DOCK3: variants seen among roughly 807,000 people sequenced by gnomAD.
DOCK3 encodes dedicator of cytokinesis 3.
Under a neutral mutation model 265.6 loss-of-function variants are expected in DOCK3, and 60 were observed. The ratio of observed to expected loss-of-function variants is 0.23; its 90% CI spans 0.18 to 0.28. The LOEUF is 0.28. Among genes scored for constraint, DOCK3 ranks in the 10% least tolerant of loss-of-function variants. DOCK3 has a pLI of 1.00. For synonymous variants in DOCK3, 881 were observed against 938.0 expected (o/e 0.94, Z 1.11); for missense variants, 1,981 against 2,594.3 (o/e 0.76, Z 5.14).
chr3:50,925,735 C>G (rs1350436577), intron 4 of DOCK3, among the ~76,000 whole-genome samples: 1 of 151,330 alleles, frequency 6.6e-6, no homozygotes, highest in Non-Finnish European at 1.5e-5. Flanking sequence ...AGCTGGCAAG[C>G]TCTGATTGGT....
intron 5 of DOCK3, among the ~76,000 whole-genome samples, chr3:50,999,555 A>G (rs2078400527): frequency 6.6e-6 from 1 of 152,216 alleles, no homozygotes; most frequent in Non-Finnish European, 1.5e-5. Context: ...AGCGTTAAAT[A>G]TTCTCTTCGT....
intron 8 of DOCK3, 69 bp from the exon 9 acceptor site, chr3:51,090,161 C>A (rs2109559757): frequency 9.7e-6 from 14 of 1,438,956 alleles, no homozygotes; most frequent in Middle Eastern, 3.7e-4. Context: ...AATTTAGTTT[C>A]CACTTTTTAA....
chr3:51,086,891 C>T (rs1389692657), intron 7 of DOCK3, among the ~76,000 whole-genome samples: 1 of 152,114 alleles, frequency 6.6e-6, no homozygotes, highest in Non-Finnish European at 1.5e-5. Flanking sequence ...TGGATTAATT[C>T]CTGGACACAC....
At chr3:50,730,133 G>T (rs778038119) in intron 1 of DOCK3, among the ~76,000 whole-genome samples, 1 of 151,896 alleles carries the variant, frequency 6.6e-6, no homozygotes, top group Admixed American at 6.6e-5. Flanking sequence ...TTGCACTAAC[G>T]CTTTTAAAAA....
At chr3:50,893,733 A>G (rs567028920) in intron 4 of DOCK3, among the ~76,000 whole-genome samples, 4 of 152,048 alleles carry the variant, frequency 2.6e-5, no homozygotes, top group Admixed American at 2.6e-4. Flanking sequence ...TAAAGAAACA[A>G]TGGCTGAAAA....
At chr3:51,181,044 A>G (rs1191376344) in intron 12 of DOCK3, among the ~76,000 whole-genome samples, 1 of 152,228 alleles carries the variant, frequency 6.6e-6, no homozygotes, top group Non-Finnish European at 1.5e-5. Context: ...CTAAATTGCT[A>G]TAATTACATG....
chr3:51,183,431 G>A (rs540318061), intron 12 of DOCK3, among the ~76,000 whole-genome samples: 1 of 152,014 alleles, frequency 6.6e-6, no homozygotes, highest in East Asian at 1.9e-4. Flanking sequence ...GGGGTGGGGG[G>A]AAGAGTGAGA....
In DOCK3 at chr3:51,251,124, G is replaced by A. The variant is rs190554330; in HGVS notation, c.2184+4317G>A. Among the ~76,000 whole-genome samples, 423 of 152,216 alleles carry A rather than the reference G, an allele frequency of 2.8e-3. 6 individuals are homozygous for A. The highest frequency in any genetic ancestry group is 9.2e-3 in the African/African-American group (383 of 41,526). On this transcript the variant is annotated intron_variant, in intron 22 of 52. Transcript: ENST00000266037. The stretch of plus-strand genomic sequence containing the variant: ...TATGAGTGAGAACATGTGGTGTTTG[G>A]TTTTCTGTCCTTGCGATAGTTTGCT...
chr3:51,336,979 C>T, intron 35 of DOCK3: 1 of 440,774 alleles, frequency 2.3e-6, no homozygotes, highest in Non-Finnish European at 4.6e-6. Flanking sequence ...ACAACTTGGC[C>T]ATCTGACCTC....
At chr3:51,203,610 A>G (rs997289850) in intron 12 of DOCK3, among the ~76,000 whole-genome samples, 8 of 152,228 alleles carry the variant, frequency 5.3e-5, no homozygotes, top group Non-Finnish European at 4.4e-5. Flanking sequence ...TATAGATTCA[A>G]TGCCATCCCC....
At chr3:51,170,004 A>G (rs1188411176) in intron 12 of DOCK3, among the ~76,000 whole-genome samples, 1 of 152,108 alleles carries the variant, frequency 6.6e-6, no homozygotes. Flanking sequence ...TATGGGTTTA[A>G]TATCTAAAAT....
At chr3:51,249,815 G>A (rs1291634269) in intron 22 of DOCK3, among the ~76,000 whole-genome samples, 12 of 147,740 alleles carry the variant, frequency 8.1e-5, no homozygotes, top group East Asian at 4.0e-4. Context: ...TGACAATGGC[G>A]GCTTTGTGGA....
intron 5 of DOCK3, among the ~76,000 whole-genome samples, chr3:51,063,589 G>A (rs915989266): frequency 6.6e-6 from 1 of 152,082 alleles, no homozygotes. Context: ...GCCTTCAGAA[G>A]CATTATTTAT....
intron 4 of DOCK3, among the ~76,000 whole-genome samples, chr3:50,924,578 T>G (rs1334102453): frequency 6.6e-6 from 1 of 152,200 alleles, no homozygotes; most frequent in African/African-American, 2.4e-5. Flanking sequence ...CCAGGGAAAG[T>G]AAGTCCAAAT....
chr3:51,266,023 A>G (rs1056761070), intron 23 of DOCK3, among the ~76,000 whole-genome samples: 2 of 152,192 alleles, frequency 1.3e-5, no homozygotes, highest in Non-Finnish European at 2.9e-5. Context: ...AAGCATTCCT[A>G]TACACCAATA....
intron 12 of DOCK3, among the ~76,000 whole-genome samples, chr3:51,168,845 G>C (rs919942643): frequency 2.0e-5 from 3 of 151,572 alleles, no homozygotes; most frequent in Admixed American, 2.0e-4. Context: ...CTATGCATCT[G>C]ACAAAGGTCC....
intron 5 of DOCK3, among the ~76,000 whole-genome samples, chr3:50,947,295 G>A (rs60209025): frequency 0.025 from 3,797 of 152,102 alleles, 180 homozygotes; most frequent in African/African-American, 0.087. Context: ...TAGTTTGAAA[G>A]CATTTAGTCC....
chr3:51,018,330 G>C (rs1011953489), intron 5 of DOCK3, among the ~76,000 whole-genome samples: 8 of 151,520 alleles, frequency 5.3e-5, no homozygotes, highest in Non-Finnish European at 7.4e-5. Flanking sequence ...GGGCGTGGTG[G>C]CTCATGCCTG....
chr3:50,894,105 T>G (rs1255699788), intron 4 of DOCK3, among the ~76,000 whole-genome samples: 1 of 151,996 alleles, frequency 6.6e-6, no homozygotes, highest in Non-Finnish European at 1.5e-5. Flanking sequence ...GTTGTGCACA[T>G]GTACCCTAGA....
Sources: gnomAD v4.1 joint callset for allele counts (sites outside exome capture counted in the v4.1 genomes callset) on GRCh38, gnomAD v4.1.1 for gene constraint, MANE v1.5 for transcripts, NCBI Gene and HGNC (gene_info 2026-07-23, HGNC 2026-07-21) for gene names.